The following MBNL2 variants were observed in gnomAD, a reference collection of about 807,000 sequenced individuals.
MBNL2 encodes the protein muscleblind-like protein 2.
MBNL2 carries 17 observed loss-of-function variants against 41.9 expected under a neutral mutation model. The ratio of observed to expected loss-of-function variants is 0.41; its 90% confidence interval spans 0.28 to 0.61. MBNL2 has a LOEUF of 0.61. MBNL2 is among the 20% of genes least tolerant of loss of function. The pLI is 0.35. For synonymous variants in MBNL2, 195 were observed against 182.9 expected (o/e 1.07, Z -0.53); for missense variants, 336 against 505.6 (o/e 0.66, Z 3.22).
At chr13:97,144,848 G>A in the MBNL2 span, among the ~76,000 whole-genome samples, 21 of 152,322 alleles carry the variant, frequency 1.4e-4, no homozygotes, top group South Asian at 6.2e-4. Context: ...TGCAGGGCTA[G>A]AGGGAAAGAA....
chr13:97,204,248 T>C, the MBNL2 span, among the ~76,000 whole-genome samples: 1 of 152,186 alleles, frequency 6.6e-6, no homozygotes, highest in East Asian at 1.9e-4. Context: ...GCCCCACTTT[T>C]ATGTGAAAGA....
At chr13:97,343,408 C>G (rs994248471) in intron 4 of MBNL2, among the ~76,000 whole-genome samples, 192 bp downstream of exon 4, 2 of 152,148 alleles carry the variant, frequency 1.3e-5, no homozygotes, top group African/African-American at 4.8e-5. Flanking sequence ...GGAAATTAGT[C>G]TATGGAAAAG....
At chr13:97,336,786 G>T (rs916408807) in intron 3 of MBNL2, among the ~76,000 whole-genome samples, 3 of 152,196 alleles carry the variant, frequency 2.0e-5, no homozygotes, top group Non-Finnish European at 4.4e-5. Flanking sequence ...GTAATTTATA[G>T]CTGTTTACAG....
intron 2 of MBNL2, among the ~76,000 whole-genome samples, chr13:97,297,810 A>C (rs114866920): frequency 6.6e-6 from 1 of 152,192 alleles, no homozygotes; most frequent in South Asian, 2.1e-4. Context: ...GTTGCAGACG[A>C]AGTTTTAACT....
chr13:97,326,520 TAAAC>T (rs1223606491), intron 2 of MBNL2, among the ~76,000 whole-genome samples: 1 of 152,220 alleles, frequency 6.6e-6, no homozygotes, highest in Non-Finnish European at 1.5e-5. Context: ...AACCAAATAA[TAAAC>T]AGAAAGAGCT....
At chr13:97,340,511 A>G (rs1687998713) in intron 3 of MBNL2, among the ~76,000 whole-genome samples, 1 of 152,236 alleles carries the variant, frequency 6.6e-6, no homozygotes, top group African/African-American at 2.4e-5. Flanking sequence ...TTTTTACAGT[A>G]TTAATGAGAG....
At chr13:97,353,043 A>G (rs1377643339) in intron 5 of MBNL2, among the ~76,000 whole-genome samples, 1 of 152,192 alleles carries the variant, frequency 6.6e-6, no homozygotes, top group Non-Finnish European at 1.5e-5. Context: ...TCTTCTGTGT[A>G]CCCTTCTACA....
the MBNL2 span, among the ~76,000 whole-genome samples, chr13:97,166,833 T>A: frequency 0.016 from 1,766 of 110,746 alleles, 37 homozygotes; most frequent in African/African-American, 0.05. Flanking sequence ...GATAGATAGA[T>A]AGATAGAAAG....
chr13:97,254,470 C>A (rs1348720442), intron 1 of MBNL2, among the ~76,000 whole-genome samples: 1 of 152,140 alleles, frequency 6.6e-6, no homozygotes, highest in South Asian at 2.1e-4. Flanking sequence ...GTGAAAGTTT[C>A]AATTTAAACA....
intron 1 of MBNL2, among the ~76,000 whole-genome samples, chr13:97,244,667 C>T (rs192761679): frequency 1.8e-4 from 28 of 152,242 alleles, no homozygotes; most frequent in Non-Finnish European, 3.4e-4. Context: ...GTTTGTTTTG[C>T]TGCTGGTGCA....
rs749767642 is a variant in MBNL2, at chr13:97,346,890, C to T, written c.627C>T (p.Asp209=). Residue 209 remains aspartate, a synonymous_variant, in exon 5 of 9, where the codon GAC becomes GAT. Transcript: ENST00000679496. This position sits in a 1 kb window ranked among gnomAD's most constrained non-coding sequence, Gnocchi z 4.2. ...FAHPADSTMI[D]TSDNTVTVCM... is the part of the protein sequence containing the mutation. ...ACCCCGCAGACAGCACCATGATCGA[C>T]ACAAGTGACAACACCGTAACCGTTT... 12 of 1,613,946 alleles carry T rather than the reference C, an allele frequency of 7.4e-6. No individual in the cohort carries two copies. The South Asian group carries it at 1.1e-4, about 15-fold the overall frequency.
intron 3 of MBNL2, among the ~76,000 whole-genome samples, chr13:97,339,268 G>T (rs373352946): frequency 5.9e-5 from 9 of 151,306 alleles, no homozygotes; most frequent in Non-Finnish European, 1.0e-4. Context: ...TGAGTGTGTT[G>T]TGTGTGTGAG....
At chr13:97,348,862 A>G (rs986255472) in intron 5 of MBNL2, among the ~76,000 whole-genome samples, 7 of 152,168 alleles carry the variant, frequency 4.6e-5, no homozygotes, top group Non-Finnish European at 1.5e-5. Context: ...CAATTACTCA[A>G]CATTGTTTGC....
intron 1 of MBNL2, among the ~76,000 whole-genome samples, chr13:97,271,496 G>A (rs2152918193): frequency 6.6e-6 from 1 of 152,164 alleles, no homozygotes; most frequent in African/African-American, 2.4e-5. Context: ...TACATGTGCA[G>A]AATGTGCAGG....
Position 97,393,862 on chromosome 13 carries a change from G to GACTA in MBNL2, c.*2417_*2420dup, listed in dbSNP as rs1566461293. The stretch of plus-strand genomic sequence containing the variant: ...AGTTCAACAAATACTGTAGTTAAGA[G>GACTA]ACTAACTCTCCACTTGTATGGGAAC... On this transcript the variant is annotated 3_prime_UTR_variant, in exon 9 of 9. Transcript: ENST00000679496. 1 of 152,470 alleles carries GACTA rather than the reference G, an allele frequency of 6.6e-6. No individual in the cohort carries two copies. Among genetic ancestry groups the GACTA allele is most frequent in the Admixed American group, 6.5e-5 (1 of 15,268 alleles). The allele number at this position is 152,470 out of a possible 1,614,324, so 9.4% of individuals were successfully genotyped here.
At chr13:97,171,515 TACA>T in the MBNL2 span, among the ~76,000 whole-genome samples, 1 of 152,228 alleles carries the variant, frequency 6.6e-6, no homozygotes, top group African/African-American at 2.4e-5. Flanking sequence ...ACATACAATA[TACA>T]ACACACACTG....
chr13:97,244,088 A>C (rs779696935), intron 1 of MBNL2, among the ~76,000 whole-genome samples: 45 of 152,330 alleles, frequency 3.0e-4, no homozygotes, highest in Admixed American at 4.6e-4. Context: ...CATCTCATGT[A>C]ACAACGAATA....
intron 2 of MBNL2, among the ~76,000 whole-genome samples, chr13:97,282,965 C>T (rs1161680705): frequency 1.3e-5 from 2 of 152,218 alleles, no homozygotes; most frequent in Admixed American, 6.5e-5. Flanking sequence ...TCCAGTTGAA[C>T]CTAGTGCTGC....
the MBNL2 span, among the ~76,000 whole-genome samples, chr13:97,173,480 TG>T: frequency 6.6e-6 from 1 of 152,196 alleles, no homozygotes; most frequent in African/African-American, 2.4e-5. Flanking sequence ...TTGGCTCCAA[TG>T]ACTGCCTTTC....
Sources: allele counts gnomAD v4.1 joint callset (sites outside exome capture counted in the v4.1 genomes callset), GRCh38; gene constraint gnomAD v4.1.1; non-coding constraint Gnocchi (gnomAD v3.1); transcripts MANE v1.5; gene names NCBI Gene and HGNC (gene_info 2026-07-23, HGNC 2026-07-21).